HSDL2: variants seen among roughly 807,000 people sequenced by gnomAD.
HSDL2 encodes the protein hydroxysteroid dehydrogenase-like protein 2.
Under a neutral mutation model 46.3 loss-of-function variants are expected in HSDL2, and 27 were observed. That is an observed-to-expected ratio of 0.58 (90% CI 0.43 to 0.80). The LOEUF is 0.80. Ranked by LOEUF, HSDL2 falls within the 30% of genes least tolerant of loss-of-function variation. HSDL2 has a pLI of 0.00. For synonymous variants in HSDL2, 153 were observed against 163.6 expected (o/e 0.94, Z 0.50); for missense variants, 451 against 502.7 (o/e 0.90, Z 0.98).
intron 2 of HSDL2, among the ~76,000 whole-genome samples, 181 bp downstream of exon 2, chr9:112,404,339 C>T (rs970302966): frequency 6.6e-6 from 1 of 152,136 alleles, no homozygotes; most frequent in Non-Finnish European, 1.5e-5. Flanking sequence ...TCCACCAGCA[C>T]TTTTAAGCAA....
At chr9:112,405,795 A>C (rs1564110246) in intron 3 of HSDL2, 73 bp downstream of exon 3, 1 of 997,992 alleles carries the variant, frequency 1.0e-6, no homozygotes, top group Non-Finnish European at 1.5e-6. Context: ...TAATTTAAAA[A>C]TTTGTTTTGA....
intron 8 of HSDL2, among the ~76,000 whole-genome samples, chr9:112,449,474 C>G (rs1394255785): frequency 2.0e-5 from 3 of 152,098 alleles, no homozygotes; most frequent in Non-Finnish European, 4.4e-5. Flanking sequence ...AAGCACCAGA[C>G]TTTAAATTTT....
At chr9:112,437,173 T>TTGTCCCAAACTCC (rs1302890380) in intron 6 of HSDL2, among the ~76,000 whole-genome samples, 4 of 152,012 alleles carry the variant, frequency 2.6e-5, no homozygotes, top group South Asian at 2.1e-4. Context: ...TTGACCAGGC[T>TTGTCCCAAACTCC]TGTCCCAAAC....
chr9:112,441,666 C>G (rs549862689), intron 7 of HSDL2, 33 bp from the exon 8 acceptor site: 3 of 1,428,494 alleles, frequency 2.1e-6, no homozygotes, highest in Non-Finnish European at 3.0e-6. Flanking sequence ...GTTGTAGTTA[C>G]ATTAACCTAA....
At chr9:112,402,041 T>A (rs1183545596) in intron 1 of HSDL2, among the ~76,000 whole-genome samples, 1 of 152,192 alleles carries the variant, frequency 6.6e-6, no homozygotes, top group Admixed American at 6.5e-5. Context: ...TTTATGTTCC[T>A]TTATTAACAA....
chr9:112,468,336 GAGAA>G (rs2046389996), intron 10 of HSDL2, among the ~76,000 whole-genome samples: 1 of 151,872 alleles, frequency 6.6e-6, no homozygotes, highest in Non-Finnish European at 1.5e-5. Context: ...TGACTTTCTG[GAGAA>G]AAAGATCATC....
chr9:112,381,620 C>T (rs1187216250), intron 1 of HSDL2, among the ~76,000 whole-genome samples: 2 of 152,148 alleles, frequency 1.3e-5, no homozygotes, highest in Non-Finnish European at 2.9e-5. Flanking sequence ...TCCCAAAGTG[C>T]TGGGATTACA....
chr9:112,406,595 C>T (rs575743409), intron 3 of HSDL2, among the ~76,000 whole-genome samples: 3 of 152,086 alleles, frequency 2.0e-5, no homozygotes, highest in Non-Finnish European at 2.9e-5. Context: ...CTCAGCCTCC[C>T]GAGTAGCTGG....
rs1349231826 is a variant in HSDL2 at position 112,406,690 on chromosome 9, G to A, written c.280+968G>A. Among the ~76,000 whole-genome samples, 5 of 152,112 alleles carry A rather than the reference G, an allele frequency of 3.3e-5. No homozygotes were observed. In the East Asian group the frequency reaches 7.8e-4, roughly 24 times the overall value. ...TCGCCACATTGGCCAGGCTGGTCTC[G>A]AACTCCTGACTTCATGATCCACCCA... On this transcript the variant is annotated intron_variant, in intron 3 of 10. Coordinates refer to ENST00000398805, the MANE Select transcript of HSDL2 (RefSeq NM_032303.5).
At chr9:112,418,318 C>G (rs957006107) in intron 5 of HSDL2, among the ~76,000 whole-genome samples, 1 of 151,920 alleles carries the variant, frequency 6.6e-6, no homozygotes, top group East Asian at 1.9e-4. Flanking sequence ...TACGGTGGCT[C>G]GTACCTGTAA....
Position 112,404,144 on chromosome 9 carries a change from C to G in HSDL2, c.167C>G (p.Thr56Ser). The G allele has an allele frequency of 6.2e-7, 1 of 1,613,916 alleles. No homozygotes were observed. The highest frequency in any genetic ancestry group is 1.1e-5 in the South Asian group (1 of 91,040). The change falls in exon 2 of 11, where the codon ACT (threonine) becomes AGT (serine). Residue 56 changes from threonine (T) to serine (S), a missense_variant. Thr to Ser is a moderately conservative substitution (Grantham distance 58, BLOSUM62 1). Coordinates refer to ENST00000398805, the MANE Select transcript of HSDL2 (RefSeq NM_032303.5). Reference protein sequence around the residue: ...PHPKLLGTIYTAAEEIEAVGG... With the variant: ...PHPKLLGTIYSAAEEIEAVGG... ...CCAAAACTTCTAGGCACAATCTATA[C>G]TGCTGCTGAAGAAAGTGAGTGTGAC...
intron 1 of HSDL2, among the ~76,000 whole-genome samples, chr9:112,395,897 A>T (rs780018831): frequency 1.3e-5 from 2 of 152,244 alleles, no homozygotes; most frequent in Admixed American, 6.5e-5. Context: ...GAGAGCAGCC[A>T]CTGCTCAATC....
At chr9:112,405,371 CA>C (rs1478253267) in intron 2 of HSDL2, among the ~76,000 whole-genome samples, 2 of 152,026 alleles carry the variant, frequency 1.3e-5, no homozygotes, top group African/African-American at 2.4e-5. Context: ...AACAAACAAA[CA>C]AAAAACTTCC....
chr9:112,420,207 G>A (rs770831147), intron 6 of HSDL2, among the ~76,000 whole-genome samples: 1 of 152,076 alleles, frequency 6.6e-6, no homozygotes, highest in African/African-American at 2.4e-5. Flanking sequence ...CCAGTTACTT[G>A]GGAGGCTGAG....
chr9:112,429,748 G>A (rs189665885), intron 6 of HSDL2, among the ~76,000 whole-genome samples: 13 of 152,304 alleles, frequency 8.5e-5, no homozygotes, highest in Admixed American at 8.5e-4. Flanking sequence ...AGGGGGATTG[G>A]AGTCTCAGCC....
intron 10 of HSDL2, among the ~76,000 whole-genome samples, chr9:112,462,462 C>CAA (rs10683594): frequency 0.91 from 130,105 of 143,502 alleles, 59,019 homozygotes; most frequent in South Asian, 0.97. Flanking sequence ...GACCCTGTCT[C>CAA]AAAAAAAAAA....
intron 1 of HSDL2, among the ~76,000 whole-genome samples, chr9:112,383,888 A>G (rs951025539): frequency 1.1e-4 from 17 of 151,956 alleles, no homozygotes; most frequent in African/African-American, 4.1e-4. Flanking sequence ...ATTTTTTTGT[A>G]GAGGAGTCTC....
chr9:112,426,646 C>T (rs1325455004), intron 6 of HSDL2, among the ~76,000 whole-genome samples: 9 of 152,068 alleles, frequency 5.9e-5, no homozygotes, highest in Non-Finnish European at 1.3e-4. Context: ...AAAGAAAAAT[C>T]GATAGTGCAG....
chr9:112,470,126 G>A (rs74424096), intron 10 of HSDL2, among the ~76,000 whole-genome samples: 1 of 152,140 alleles, frequency 6.6e-6, no homozygotes, highest in East Asian at 1.9e-4. Flanking sequence ...GACAGTATTT[G>A]TTTACCAGAA....
Sources: allele counts gnomAD v4.1 joint callset (sites outside exome capture counted in the v4.1 genomes callset), GRCh38; gene constraint gnomAD v4.1.1; transcripts MANE v1.5; gene names NCBI Gene and HGNC (gene_info 2026-07-23, HGNC 2026-07-21).